Variants in SAMMSON observed in about 807,000 individuals in gnomAD.
SAMMSON encodes survival associated mitochondrial melanoma specific oncogenic non-coding RNA.
intron 4 of SAMMSON, among the ~76,000 whole-genome samples, chr3:70,158,808 A>G (rs902723465): frequency 3.9e-5 from 6 of 152,084 alleles, no homozygotes; most frequent in African/African-American, 1.4e-4. Context: ...ATACTTTAGG[A>G]AAACCTTGCT....
At chr3:70,006,654 T>G (rs950921316) in intron 1 of SAMMSON, among the ~76,000 whole-genome samples, 6 of 152,110 alleles carry the variant, frequency 3.9e-5, no homozygotes, top group Non-Finnish European at 8.8e-5. Flanking sequence ...ATTTTTTTAT[T>G]TTTTCCTTTT....
At chr3:70,124,535 G>A (rs1018279996) in intron 4 of SAMMSON, among the ~76,000 whole-genome samples, 57 of 152,158 alleles carry the variant, frequency 3.7e-4, no homozygotes, top group South Asian at 8.3e-4. Context: ...ACCTGTGGCC[G>A]AGTACCGTGG....
At chr3:70,299,397 A>T (rs1702324042) in intron 7 of SAMMSON, among the ~76,000 whole-genome samples, 1 of 152,102 alleles carries the variant, frequency 6.6e-6, no homozygotes, top group African/African-American at 2.4e-5. Context: ...ATTGAGAATA[A>T]TTTTTTTCCA....
intron 2 of SAMMSON, among the ~76,000 whole-genome samples, chr3:70,413,785 A>G (rs912234550): frequency 2.6e-5 from 4 of 152,148 alleles, no homozygotes; most frequent in Non-Finnish European, 4.4e-5. Context: ...AATATGGACA[A>G]TAGAAAATGA....
intron 4 of SAMMSON, among the ~76,000 whole-genome samples, chr3:70,116,607 G>C (rs531526055): frequency 6.6e-6 from 1 of 151,960 alleles, no homozygotes; most frequent in South Asian, 2.1e-4. Flanking sequence ...CAGTATTTCT[G>C]GCTGCAAGTG....
intron 6 of SAMMSON, among the ~76,000 whole-genome samples, chr3:70,261,398 C>T (rs62256476): frequency 0.099 from 15,130 of 152,268 alleles, 981 homozygotes; most frequent in Middle Eastern, 0.17. Context: ...GAAACCTCAG[C>T]AGCTTCACTC....
chr3:70,163,767 A>C (rs1020116569), intron 4 of SAMMSON, among the ~76,000 whole-genome samples: 2 of 152,056 alleles, frequency 1.3e-5, no homozygotes, highest in Non-Finnish European at 2.9e-5. Context: ...TTAGTAAAAC[A>C]ACGGCCTCTT....
intron 6 of SAMMSON, among the ~76,000 whole-genome samples, chr3:70,277,137 G>A (rs9868241): frequency 0.91 from 137,860 of 152,234 alleles, 62,474 homozygotes; most frequent in East Asian, 0.97. Context: ...GTGAGACCTC[G>A]GCAGTTTTAT....
chr3:70,286,939 A>G (rs1031082309), intron 6 of SAMMSON, among the ~76,000 whole-genome samples: 1 of 151,572 alleles, frequency 6.6e-6, no homozygotes, highest in Admixed American at 6.6e-5. Flanking sequence ...GTTGCTTATC[A>G]GCTTAAGGAG....
At chr3:70,125,647 T>C (rs528905786) in intron 4 of SAMMSON, 16 of 699,782 alleles carry the variant, frequency 2.3e-5, no homozygotes, top group Admixed American at 6.0e-5. Context: ...GGTAGATATA[T>C]GGAATTCAAT....
intron 2 of SAMMSON, among the ~76,000 whole-genome samples, chr3:70,405,385 C>T (rs1207323490): frequency 1.3e-5 from 2 of 152,150 alleles, no homozygotes; most frequent in African/African-American, 4.8e-5. Context: ...AATTACTACA[C>T]ACCCATAGTA....
intron 4 of SAMMSON, among the ~76,000 whole-genome samples, chr3:70,121,173 C>T (rs2067431676): frequency 6.6e-6 from 1 of 152,168 alleles, no homozygotes; most frequent in African/African-American, 2.4e-5. Context: ...CGACAGGAGG[C>T]GGAGCTCAGG....
intron 4 of SAMMSON, among the ~76,000 whole-genome samples, chr3:70,073,658 C>T (rs186708555): frequency 6.6e-6 from 1 of 151,636 alleles, no homozygotes; most frequent in African/African-American, 2.4e-5. Flanking sequence ...TCCCCTTTCC[C>T]TCTCTCTTTG....
chr3:70,093,957 G>C lies in SAMMSON; in HGVS notation n.507+22392G>C, dbSNP rs2067314233. ...GTTTTGCAACCCCTAACCTTCTGTAGTAAATTTTCAATGTTTTATTTTGTG... is the reference window on the plus strand; with the variant it reads ...GTTTTGCAACCCCTAACCTTCTGTACTAAATTTTCAATGTTTTATTTTGTG... On this transcript the variant is annotated intron_variant and non_coding_transcript_variant, in intron 4 of 9. Transcript: ENST00000642114. Among the ~76,000 whole-genome samples the C allele has an allele frequency of 2.6e-5, 4 of 152,138 alleles. No homozygotes were observed. The South Asian group carries it at 8.3e-4, about 31-fold the overall frequency.
chr3:70,114,387 G>A (rs1220758904), intron 4 of SAMMSON, among the ~76,000 whole-genome samples: 1 of 152,124 alleles, frequency 6.6e-6, no homozygotes, highest in Non-Finnish European at 1.5e-5. Context: ...CTTCCTCAAC[G>A]AAATCTCTTT....
At chr3:70,283,938 A>T (rs60515231) in intron 6 of SAMMSON, 2 of 151,694 alleles carry the variant, frequency 1.3e-5, no homozygotes, top group African/African-American at 4.8e-5. Context: ...AAGATTATTA[A>T]CTCTGCTTTA....
intron 4 of SAMMSON, among the ~76,000 whole-genome samples, chr3:70,097,679 A>G (rs2067327524): frequency 6.6e-6 from 1 of 152,158 alleles, no homozygotes; most frequent in Admixed American, 6.5e-5. Flanking sequence ...TAGGGATTAT[A>G]TTTTTGACTT....
intron 4 of SAMMSON, among the ~76,000 whole-genome samples, chr3:70,240,499 T>G (rs1701657037): frequency 6.6e-6 from 1 of 152,176 alleles, no homozygotes; most frequent in African/African-American, 2.4e-5. Context: ...AAAAAATATG[T>G]GTTTCCTAGC....
chr3:70,157,786 C>T (rs76462941), intron 4 of SAMMSON, among the ~76,000 whole-genome samples: 5,393 of 152,142 alleles, frequency 0.035, 128 homozygotes, highest in Non-Finnish European at 0.051. Flanking sequence ...TCATAACGAT[C>T]TTGCAAGGAA....
Sources: allele counts gnomAD v4.1 joint callset (sites outside exome capture counted in the v4.1 genomes callset), GRCh38; gene constraint gnomAD v4.1.1; transcripts MANE v1.5; gene names NCBI Gene and HGNC (gene_info 2026-07-23, HGNC 2026-07-21).